Variants in NALF1 observed in about 807,000 individuals in gnomAD.
NALF1 encodes the protein family with sequence similarity 155 member A.
A neutral mutation model predicts 48.4 loss-of-function variants in NALF1; 3 were observed. That is an observed-to-expected ratio of 0.06 (90% CI 0.03 to 0.16). The LOEUF (loss-of-function observed/expected upper bound fraction) is 0.16. Ranked by LOEUF, NALF1 falls within the 10% of genes least tolerant of loss-of-function variation. NALF1 has a pLI of 1.00. For synonymous variants in NALF1, 262 were observed against 245.7 expected, an observed-to-expected ratio of 1.07 and a Z score of -0.62; for missense variants, 526 against 571.5, an observed-to-expected ratio of 0.92 and a Z score of 0.81.
intron 1 of NALF1, among the ~76,000 whole-genome samples, chr13:107,492,048 T>G (rs1275461233): frequency 6.9e-6 from 1 of 145,270 alleles, no homozygotes; most frequent in Admixed American, 6.8e-5. Flanking sequence ...TTTTGTTTTT[T>G]TTTTTTTTTG....
At chr13:107,226,498 G>A (rs780980697) in intron 1 of NALF1, among the ~76,000 whole-genome samples, 1 of 152,170 alleles carries the variant, frequency 6.6e-6, no homozygotes, top group African/African-American at 2.4e-5. Context: ...ATTTGAAACA[G>A]ATTCTTATTC....
At chr13:107,549,097 C>T (rs1187959444) in intron 1 of NALF1, among the ~76,000 whole-genome samples, 2 of 152,076 alleles carry the variant, frequency 1.3e-5, no homozygotes, top group Non-Finnish European at 2.9e-5. Flanking sequence ...ATAAAGGTTA[C>T]CTTACAAACA....
chr13:107,621,347 T>C (rs761290663), intron 1 of NALF1, among the ~76,000 whole-genome samples: 4 of 152,216 alleles, frequency 2.6e-5, no homozygotes, highest in Non-Finnish European at 5.9e-5. Context: ...ATGCCTTTTA[T>C]TAATGACAAT....
chr13:107,412,096 G>A (rs1884002614), intron 1 of NALF1, among the ~76,000 whole-genome samples: 1 of 152,122 alleles, frequency 6.6e-6, no homozygotes, highest in African/African-American at 2.4e-5. Context: ...TCCTCACAGC[G>A]AAATGAGCTG....
intron 1 of NALF1, among the ~76,000 whole-genome samples, chr13:107,613,955 A>C (rs1879307928): frequency 6.6e-6 from 1 of 152,192 alleles, no homozygotes; most frequent in Non-Finnish European, 1.5e-5. Context: ...AGCAGTAGAC[A>C]CTATTGATAT....
chr13:107,374,058 C>T (rs35423989), intron 1 of NALF1, among the ~76,000 whole-genome samples: 2 of 152,186 alleles, frequency 1.3e-5, no homozygotes, highest in African/African-American at 2.4e-5. Flanking sequence ...ATATTCACTT[C>T]TCTGAATTTT....
intron 1 of NALF1, among the ~76,000 whole-genome samples, chr13:107,424,635 G>A: frequency 6.6e-6 from 1 of 152,124 alleles, no homozygotes; most frequent in Non-Finnish European, 1.5e-5. Context: ...CAGAAGGAAG[G>A]AGAGCAATGA....
At chr13:107,786,650 T>G (rs1317719253) in intron 1 of NALF1, among the ~76,000 whole-genome samples, 1 of 151,582 alleles carries the variant, frequency 6.6e-6, no homozygotes, top group Non-Finnish European at 1.5e-5. Context: ...AAGAATCACT[T>G]GAACCTGGGA....
chr13:107,669,400 A>G (rs982957548), intron 1 of NALF1, among the ~76,000 whole-genome samples: 4 of 152,194 alleles, frequency 2.6e-5, no homozygotes, highest in African/African-American at 9.6e-5. Context: ...AAAACTGCTA[A>G]GTTCCATCTT....
At chr13:107,300,042 C>A (rs1464638140) in intron 1 of NALF1, among the ~76,000 whole-genome samples, 1 of 152,168 alleles carries the variant, frequency 6.6e-6, no homozygotes, top group African/African-American at 2.4e-5. Flanking sequence ...AAGATACTCC[C>A]TGGGAATTCC....
chr13:107,327,781 C>G (rs1882391685), intron 1 of NALF1, among the ~76,000 whole-genome samples: 1 of 152,126 alleles, frequency 6.6e-6, no homozygotes, highest in Non-Finnish European at 1.5e-5. Context: ...GCCTGAACAG[C>G]CATCAGATAT....
At chr13:107,583,992 G>T (rs1878383155) in intron 1 of NALF1, among the ~76,000 whole-genome samples, 1 of 152,100 alleles carries the variant, frequency 6.6e-6, no homozygotes, top group Non-Finnish European at 1.5e-5. Flanking sequence ...TCATAAGGGA[G>T]TATATAGCAA....
chr13:107,318,432 C>T (rs1056791822), intron 1 of NALF1, among the ~76,000 whole-genome samples: 2 of 152,038 alleles, frequency 1.3e-5, no homozygotes, highest in Non-Finnish European at 2.9e-5. Context: ...CTGCGGTGAG[C>T]CATGTTATGA....
chr13:107,283,733 C>CATTG (rs1469109434), intron 1 of NALF1, among the ~76,000 whole-genome samples: 1 of 151,858 alleles, frequency 6.6e-6, no homozygotes, highest in Non-Finnish European at 1.5e-5. Flanking sequence ...AAACTCGGTT[C>CATTG]ATTGCAAACT....
At chr13:107,653,488 T>C (rs1191153253) in intron 1 of NALF1, among the ~76,000 whole-genome samples, 1 of 152,108 alleles carries the variant, frequency 6.6e-6, no homozygotes, top group Non-Finnish European at 1.5e-5. Flanking sequence ...GAGGTATTTT[T>C]TTTTTTATTA....
At chr13:107,285,383 G>A (rs1295925083) in intron 1 of NALF1, among the ~76,000 whole-genome samples, 2 of 152,196 alleles carry the variant, frequency 1.3e-5, no homozygotes, top group Non-Finnish European at 2.9e-5. Flanking sequence ...GGCTTGCATA[G>A]AGAGAAGGAC....
intron 1 of NALF1, among the ~76,000 whole-genome samples, chr13:107,526,689 G>A (rs539500985): frequency 6.6e-6 from 1 of 152,258 alleles, no homozygotes; most frequent in Admixed American, 6.5e-5. Context: ...AACAACAGAA[G>A]ATAAACTGAA....
intron 1 of NALF1, among the ~76,000 whole-genome samples, chr13:107,686,395 T>C (rs2138500500): frequency 6.6e-6 from 1 of 151,784 alleles, no homozygotes; most frequent in East Asian, 1.9e-4. Context: ...ATTATTATTA[T>C]TATTATTGTT....
chr13:107,535,181 C>T (rs1186712610), intron 1 of NALF1, among the ~76,000 whole-genome samples: 33 of 152,078 alleles, frequency 2.2e-4, no homozygotes. Flanking sequence ...TATCTTTCTC[C>T]TCCCTGATTG....
Sources: gnomAD v4.1 joint callset for allele counts (sites outside exome capture counted in the v4.1 genomes callset) on GRCh38, gnomAD v4.1.1 for gene constraint, MANE v1.5 for transcripts, NCBI Gene and HGNC (gene_info 2026-07-23, HGNC 2026-07-21) for gene names.